Variants in CASP9 observed in about 807,000 individuals in gnomAD.
CASP9 encodes the protein caspase-9.
In CASP9, 29 loss-of-function variants were observed where a neutral mutation model predicts 43.5. The ratio of observed to expected loss-of-function variants is 0.67; its 90% confidence interval spans 0.50 to 0.91. CASP9 has a LOEUF of 0.91. Ranked by LOEUF, CASP9 falls within the 40% of genes least tolerant of loss-of-function variation. The probability of loss-of-function intolerance (pLI) is 0.00; values close to 1 mark genes in which losing one functional copy is unlikely to be tolerated. For missense variants in CASP9, 575 were observed against 537.4 expected (o/e 1.07, Z -0.69); for synonymous variants, 206 against 211.9 (o/e 0.97, Z 0.24).
At chr1:15,493,662 T>C (rs1041328320) in intron 8 of CASP9, 25 of 1,449,084 alleles carry the variant, frequency 1.7e-5, no homozygotes, top group Non-Finnish European at 2.2e-5. Flanking sequence ...CTGGGGACCT[T>C]GGAGGAGACA....
At chr1:15,524,869 AC>A, upstream of CASP9, 1 of 663,544 alleles carries the variant, frequency 1.5e-6, no homozygotes, top group South Asian at 7.2e-5. Flanking sequence ...CCTCGCGCCG[AC>A]CCCAGAATCC....
At chr1:15,512,761 G>A (rs1460522896) in intron 2 of CASP9, among the ~76,000 whole-genome samples, 1 of 152,006 alleles carries the variant, frequency 6.6e-6, no homozygotes, top group Non-Finnish European at 1.5e-5. Context: ...TAAAACAGAG[G>A]CCCAGAGACT....
intron 6 of CASP9, among the ~76,000 whole-genome samples, 190 bp downstream of exon 6, chr1:15,504,421 C>T (rs559458655): frequency 6.6e-5 from 10 of 152,358 alleles, no homozygotes; most frequent in South Asian, 6.2e-4. Flanking sequence ...AGACTCTGAC[C>T]TCTACAAAGC....
At chr1:15,523,223 G>T (rs1710281017) in intron 1 of CASP9, among the ~76,000 whole-genome samples, 1 of 152,204 alleles carries the variant, frequency 6.6e-6, no homozygotes, top group Admixed American at 6.5e-5. Flanking sequence ...ACACAGAAGG[G>T]GCTGGCCAAA....
intron 6 of CASP9, among the ~76,000 whole-genome samples, chr1:15,501,451 T>G (rs1709324924): frequency 6.6e-6 from 1 of 152,054 alleles, no homozygotes; most frequent in African/African-American, 2.4e-5. Context: ...TTTAAAGTAT[T>G]ATAGTGAGTT....
chr1:15,502,086 C>T (rs190818565), intron 6 of CASP9, among the ~76,000 whole-genome samples: 6 of 152,322 alleles, frequency 3.9e-5, no homozygotes, highest in Non-Finnish European at 7.3e-5. Context: ...TTAGAATCCA[C>T]ATGAGACGCA....
At chr1:15,500,737 A>C (rs1709294191) in intron 6 of CASP9, among the ~76,000 whole-genome samples, 1 of 152,116 alleles carries the variant, frequency 6.6e-6, no homozygotes, top group African/African-American at 2.4e-5. Flanking sequence ...CACAGCAAGG[A>C]GGCCTGAGGC....
intron 2 of CASP9, among the ~76,000 whole-genome samples, chr1:15,512,182 G>T (rs1709779583): frequency 6.6e-6 from 1 of 152,208 alleles, no homozygotes. Context: ...TACTTTCAAG[G>T]AAGTTCCAAC....
At chr1:15,512,680 T>C (rs997477774) in intron 2 of CASP9, among the ~76,000 whole-genome samples, 8 of 152,048 alleles carry the variant, frequency 5.3e-5, no homozygotes, top group South Asian at 2.1e-4. Context: ...TATATATATA[T>C]ACACACACAA....
At position 15,492,917 on chromosome 1, in the gene CASP9, A is replaced by G; in HGVS notation, c.*26T>C. On this transcript the variant is annotated 3_prime_UTR_variant, in exon 9 of 9. Transcript: ENST00000333868. ...GGGCAGGAAAGCTTTGGGGTGCAAG[A>G]TAAGGCAGGGTGAGGGGCCCTGGCC... 6.2e-7 allele frequency: 1 copy of G among 1,612,372 alleles called. No homozygotes were observed. The highest frequency in any genetic ancestry group is 2.2e-5 in the East Asian group (1 of 44,882).
chr1:15,492,489 T>C lies in CASP9; in HGVS notation c.*454A>G, dbSNP rs1439132632. 1 of 158,542 alleles carries C rather than the reference T, an allele frequency of 6.3e-6. No individual in the cohort carries two copies. The highest frequency in any genetic ancestry group is 1.4e-5 in the Non-Finnish European group (1 of 72,414). The allele number at this position is 158,542 out of a possible 1,614,324, so 9.8% of individuals were successfully genotyped here. On this transcript the variant is annotated 3_prime_UTR_variant, in exon 9 of 9. Coordinates refer to ENST00000333868, the MANE Select transcript of CASP9 (RefSeq NM_001229.5). ...GGAAAGTTTTATACCCCAGGACATA[T>C]TTGGCAACACCTGAGAACCTTTTTG...
At chr1:15,508,032 T>C (rs1332844559) in intron 2 of CASP9, 125 bp from the exon 3 acceptor site, 11 of 890,698 alleles carry the variant, frequency 1.2e-5, no homozygotes, top group African/African-American at 5.0e-5. Flanking sequence ...ACTCTGCTGG[T>C]GGGAGAGCCA....
upstream of CASP9, chr1:15,524,369 G>T: frequency 6.8e-6 from 9 of 1,332,302 alleles, no homozygotes; most frequent in South Asian, 8.3e-5. Context: ...GCCTCGCCCC[G>T]CCCCCAGGAG....
chr1:15,501,935 C>T (rs1381679318), intron 6 of CASP9, among the ~76,000 whole-genome samples: 5 of 152,060 alleles, frequency 3.3e-5, no homozygotes, highest in African/African-American at 1.2e-4. Context: ...CCAGGCCTGG[C>T]TAATGTTTTA....
chr1:15,504,644 GCTTCCCTC>G lies in CASP9; in HGVS notation c.827_834del (p.Gly276AlafsTer19). The G allele has an allele frequency of 6.2e-7, 1 of 1,614,038 alleles. No homozygotes were observed. Among genetic ancestry groups the G allele is most frequent in the Non-Finnish European group, 8.5e-7 (1 of 1,179,972 alleles). On this transcript the variant is annotated frameshift_variant, in exon 6 of 9. Coordinates refer to ENST00000333868, the MANE Select transcript of CASP9 (RefSeq NM_001229.5). LOFTEE classifies it high-confidence loss of function. ...CAGGCCTGGATGAAAAAGAGCTTGGGCTTCCCTCCCAGGCTGGGGCAGCTGGTCCCATT... is the reference window on the plus strand; with the variant it reads ...CAGGCCTGGATGAAAAAGAGCTTGGGCCAGGCTGGGGCAGCTGGTCCCATT...
intron 2 of CASP9, among the ~76,000 whole-genome samples, chr1:15,514,246 T>C (rs1709871031): frequency 6.6e-6 from 1 of 152,166 alleles, no homozygotes; most frequent in African/African-American, 2.4e-5. Flanking sequence ...CATTGTCAAA[T>C]GTCCCTTGGA....
chr1:15,497,652 A>AT (rs143101304), intron 6 of CASP9, among the ~76,000 whole-genome samples: 18,966 of 147,780 alleles, frequency 0.13, 1,279 homozygotes, highest in Middle Eastern at 0.17. Context: ...AAGAAAAAAA[A>AT]AAAAAAGATA....
At position 15,504,632 on chromosome 1, in the gene CASP9, A is replaced by G; in HGVS notation, c.847T>C (p.Phe283Leu). 1 of 1,613,848 alleles carries G rather than the reference A, an allele frequency of 6.2e-7. No individual in the cohort carries two copies. Among genetic ancestry groups the G allele is most frequent in the Non-Finnish European group, 8.5e-7 (1 of 1,179,892 alleles). ...PSLGGKPKLFFIQACGGEQKD... is the reference protein window; with the variant it reads ...PSLGGKPKLFLIQACGGEQKD... ...TTACCCCCACCACAGGCCTGGATGAAAAAGAGCTTGGGCTTCCCTCCCAGG... is the reference window on the plus strand; with the variant it reads ...TTACCCCCACCACAGGCCTGGATGAGAAAGAGCTTGGGCTTCCCTCCCAGG... Residue 283 changes from phenylalanine (F) to leucine (L), a missense_variant, in exon 6 of 9, where the codon TTC (phenylalanine) becomes CTC (leucine). Transcript: ENST00000333868.
At chr1:15,513,865 C>G (rs1458270918) in intron 2 of CASP9, among the ~76,000 whole-genome samples, 2 of 152,154 alleles carry the variant, frequency 1.3e-5, no homozygotes, top group Non-Finnish European at 2.9e-5. Context: ...GCAAGGAGCT[C>G]AGAGTCTCTG....
Sources: gnomAD v4.1 joint callset for allele counts (sites outside exome capture counted in the v4.1 genomes callset) on GRCh38, gnomAD v4.1.1 for gene constraint, MANE v1.5 for transcripts, NCBI Gene and HGNC (gene_info 2026-07-23, HGNC 2026-07-21) for gene names.